DCLK1: variants seen among roughly 807,000 people sequenced by gnomAD.
DCLK1 encodes the protein doublecortin like kinase 1, also known as serine/threonine-protein kinase DCLK1.
In DCLK1, 16 loss-of-function variants were observed where a neutral mutation model predicts 86.2. The observed-to-expected ratio is 0.19, with a 90% CI of 0.13 to 0.28. DCLK1 has a LOEUF of 0.28. Among genes scored for constraint, DCLK1 ranks in the 10% least tolerant of loss-of-function variants. DCLK1 has a pLI of 1.00. For synonymous variants in DCLK1, 369 were observed against 370.5 expected (o/e 1.00, Z 0.05); for missense variants, 590 against 940.2 (o/e 0.63, Z 4.87).
chr13:36,083,415 T>C (rs1484297221), intron 3 of DCLK1, among the ~76,000 whole-genome samples: 3 of 152,236 alleles, frequency 2.0e-5, no homozygotes, highest in Admixed American at 6.5e-5. Context: ...CCCACTTTGG[T>C]AGATCAGCCT....
At chr13:35,881,086 G>C (rs1240685726) in intron 4 of DCLK1, among the ~76,000 whole-genome samples, 1 of 152,150 alleles carries the variant, frequency 6.6e-6, no homozygotes, top group Non-Finnish European at 1.5e-5. Context: ...CTCACGACCT[G>C]CAGCAACATG....
rs2086327710 is a variant in DCLK1 at position 35,771,255 on chromosome 13, C to G, written c.*3280G>C. 6.6e-6 allele frequency: 1 copy of G among 152,144 alleles called. No homozygotes were observed. Among genetic ancestry groups the G allele is most frequent in the East Asian group, 1.9e-4 (1 of 5,198 alleles). 9.4% of individuals were successfully genotyped at this position (152,144 alleles called of 1,614,324 possible). ...CCTTCATTCATGGATATATTGCTTT[C>G]TTTCAACAATATCTGATGGGCCTGT... On this transcript the variant is annotated 3_prime_UTR_variant, in exon 17 of 17. Coordinates refer to ENST00000360631, the MANE Select transcript of DCLK1 (RefSeq NM_001330071.2).
chr13:36,063,848 G>A (rs1883646173), intron 3 of DCLK1, among the ~76,000 whole-genome samples: 1 of 152,090 alleles, frequency 6.6e-6, no homozygotes, highest in Non-Finnish European at 1.5e-5. Flanking sequence ...TACTCAGCTT[G>A]GCACAGAGAA....
chr13:36,100,198 A>C (rs1282954420), intron 3 of DCLK1, among the ~76,000 whole-genome samples: 1 of 130,128 alleles, frequency 7.7e-6, no homozygotes. Flanking sequence ...AAAAAAAAAA[A>C]AAAAAAAAAA....
intron 16 of DCLK1, among the ~76,000 whole-genome samples, chr13:35,787,349 C>T (rs184386426): frequency 1.1e-3 from 166 of 151,392 alleles, no homozygotes; most frequent in African/African-American, 3.7e-3. Context: ...ATTAAGATGG[C>T]GAAAACAGCC....
At chr13:35,850,966 C>T (rs552093592) in intron 6 of DCLK1, among the ~76,000 whole-genome samples, 44 of 152,274 alleles carry the variant, frequency 2.9e-4, no homozygotes, top group East Asian at 9.7e-4. Context: ...GTGCTGGTTT[C>T]GCCTTATTGG....
rs569069477 is a variant in DCLK1, at chr13:35,775,968, G to A, written c.2059-1269C>T. 2.6e-5 allele frequency among the ~76,000 whole-genome samples: 4 copies of A among 152,262 alleles called. No individual in the cohort carries two copies. In the East Asian group the frequency reaches 5.8e-4, roughly 22 times the overall value. On this transcript the variant is annotated intron_variant, in intron 16 of 16. Transcript: ENST00000360631. ...TAGAACCAGTACAGTAAATGGCTTC[G>A]TTAGGCTGAACTGCTCTACTTCAGA... is the stretch of plus-strand genomic sequence containing the variant.
At chr13:35,869,777 T>C (rs1354524182) in intron 5 of DCLK1, among the ~76,000 whole-genome samples, 2 of 152,304 alleles carry the variant, frequency 1.3e-5, no homozygotes, top group South Asian at 2.1e-4. Context: ...TTCTAACAAG[T>C]GCTCAGGTGA....
chr13:36,126,702 T>C (rs1027367378), intron 1 of DCLK1, among the ~76,000 whole-genome samples: 2 of 152,208 alleles, frequency 1.3e-5, no homozygotes, highest in Non-Finnish European at 2.9e-5. Context: ...CAGGCTCCTC[T>C]GCACGCTGTC....
intron 3 of DCLK1, among the ~76,000 whole-genome samples, chr13:35,976,294 G>A (rs1390581188): frequency 6.6e-6 from 1 of 152,058 alleles, no homozygotes; most frequent in African/African-American, 2.4e-5. Flanking sequence ...AGAGAGAGAG[G>A]TGACTTTGGA....
At chr13:36,131,821 T>A (rs1886369789), upstream of DCLK1, among the ~76,000 whole-genome samples, 1 of 152,200 alleles carries the variant, frequency 6.6e-6, no homozygotes, top group African/African-American at 2.4e-5. Context: ...TGGAAGCCAG[T>A]GGATCACCTT....
chr13:35,917,198 C>T (rs1675836978), intron 4 of DCLK1, among the ~76,000 whole-genome samples: 1 of 152,210 alleles, frequency 6.6e-6, no homozygotes, highest in South Asian at 2.1e-4. Context: ...CTTATGAAAA[C>T]TCTCGTGTCA....
At chr13:35,803,127 G>T (rs2086955581) in intron 15 of DCLK1, among the ~76,000 whole-genome samples, 1 of 152,140 alleles carries the variant, frequency 6.6e-6, no homozygotes, top group Admixed American at 6.5e-5. Context: ...TGAAAGTGAG[G>T]ATATCTGGCT....
At chr13:36,085,628 A>G (rs975191392) in intron 3 of DCLK1, among the ~76,000 whole-genome samples, 1 of 152,208 alleles carries the variant, frequency 6.6e-6, no homozygotes, top group African/African-American at 2.4e-5. Context: ...CTTCTAAATT[A>G]CCACACACTA....
intron 3 of DCLK1, among the ~76,000 whole-genome samples, chr13:36,008,503 T>C (rs1047273575): frequency 7.9e-6 from 1 of 126,064 alleles, no homozygotes; most frequent in Non-Finnish European, 1.6e-5. Context: ...GATAGTTTAC[T>C]GAGAATGATG....
intron 3 of DCLK1, among the ~76,000 whole-genome samples, chr13:36,046,214 C>T (rs1163863097): frequency 1.3e-5 from 2 of 152,170 alleles, no homozygotes; most frequent in Non-Finnish European, 1.5e-5. Flanking sequence ...TGTGGCTTAA[C>T]ATTTACTTAA....
intron 16 of DCLK1, among the ~76,000 whole-genome samples, chr13:35,786,717 G>A (rs1018392972): frequency 1.3e-5 from 2 of 152,158 alleles, no homozygotes; most frequent in Admixed American, 1.3e-4. Context: ...AAAAAGAAGG[G>A]TCTGCACAAA....
intron 4 of DCLK1, among the ~76,000 whole-genome samples, chr13:35,913,263 A>T (rs1875159387): frequency 6.6e-6 from 1 of 152,194 alleles, no homozygotes; most frequent in Non-Finnish European, 1.5e-5. Context: ...CTATTAATGC[A>T]GGGTCCCATG....
chr13:36,013,517 G>A (rs1398476550), intron 3 of DCLK1, among the ~76,000 whole-genome samples: 2 of 152,154 alleles, frequency 1.3e-5, no homozygotes, highest in Non-Finnish European at 1.5e-5. Context: ...CCTGCTGGGG[G>A]GTGCCTCCCA....
Sources: gnomAD v4.1 joint callset for allele counts (sites outside exome capture counted in the v4.1 genomes callset) on GRCh38, gnomAD v4.1.1 for gene constraint, MANE v1.5 for transcripts, NCBI Gene and HGNC (gene_info 2026-07-23, HGNC 2026-07-21) for gene names.